Variants in PCBP3 observed in about 807,000 individuals in gnomAD.
The protein encoded by PCBP3 is poly(rC)-binding protein 3.
In PCBP3, 25 loss-of-function variants were observed where a neutral mutation model predicts 52.7. The observed-to-expected ratio is 0.47, with a 90% CI of 0.35 to 0.66. The LOEUF (loss-of-function observed/expected upper bound fraction) is 0.66, where lower values mean the gene tolerates loss of function less well. Ranked by LOEUF, PCBP3 falls within the 30% of genes least tolerant of loss-of-function variation. PCBP3 has a pLI of 0.01. For missense variants in PCBP3, 391 were observed against 490.3 expected (o/e 0.80, Z 1.91); for synonymous variants, 162 against 183.0 (o/e 0.89, Z 0.93).
intron 15 of PCBP3, among the ~76,000 whole-genome samples, chr21:45,933,739 G>A (rs528315704): frequency 6.6e-6 from 1 of 152,164 alleles, no homozygotes; most frequent in African/African-American, 2.4e-5. Context: ...CTCCTGTGCT[G>A]GACGGTCCCA....
intron 15 of PCBP3, among the ~76,000 whole-genome samples, chr21:45,934,328 C>T (rs991680385): frequency 1.3e-5 from 2 of 152,046 alleles, no homozygotes; most frequent in Non-Finnish European, 2.9e-5. Flanking sequence ...ATGCTGAGCA[C>T]GAAGAGCAGA....
chr21:45,905,496 C>T (rs1323649359), intron 9 of PCBP3, among the ~76,000 whole-genome samples: 7 of 152,240 alleles, frequency 4.6e-5, no homozygotes, highest in African/African-American at 7.2e-5. Context: ...GCCAGGTCAG[C>T]GGCAGCACAC....
chr21:45,688,161 C>T (rs1232098363), intron 2 of PCBP3, among the ~76,000 whole-genome samples: 1 of 152,104 alleles, frequency 6.6e-6, no homozygotes, highest in African/African-American at 2.4e-5. Flanking sequence ...CACTCTTTTT[C>T]CTGTACTAAA....
rs374205256 is a variant in PCBP3, at chr21:45,837,582, G to A, written c.-125-12379G>A. Among the ~76,000 whole-genome samples, 9 of 152,230 alleles carry A rather than the reference G, an allele frequency of 5.9e-5. No individual in the cohort carries two copies. Among genetic ancestry groups the A allele is most frequent in the East Asian group, 3.8e-4 (2 of 5,200 alleles). ...TGTCTGCCTCTTGGGGGTAGCGGCT[G>A]TGTGGAATGCCTGCGTTCTGGATTT... On this transcript the variant is annotated intron_variant, in intron 4 of 17. Transcript: ENST00000681687. The surrounding 1 kb of genome is among the most constrained non-coding windows in gnomAD (Gnocchi z 4.1).
chr21:45,914,259 C>G (rs575492306), intron 12 of PCBP3: 1 of 636,110 alleles, frequency 1.6e-6, no homozygotes, highest in African/African-American at 1.9e-5. Context: ...CCTCCCTGAC[C>G]CGGGCAGGAA....
At chr21:45,725,324 A>T (rs2084947928) in intron 2 of PCBP3, among the ~76,000 whole-genome samples, 1 of 152,226 alleles carries the variant, frequency 6.6e-6, no homozygotes, top group African/African-American at 2.4e-5. Context: ...TAATTGAATT[A>T]CAAGTATCCT....
At chr21:45,666,555 C>A (rs1010542574) in intron 1 of PCBP3, among the ~76,000 whole-genome samples, 1 of 152,164 alleles carries the variant, frequency 6.6e-6, no homozygotes, top group African/African-American at 2.4e-5. Context: ...GTGACATATT[C>A]TCTCAGCTTT....
intron 4 of PCBP3, among the ~76,000 whole-genome samples, chr21:45,757,310 G>A (rs2088153855): frequency 6.6e-6 from 1 of 152,106 alleles, no homozygotes; most frequent in Non-Finnish European, 1.5e-5. Flanking sequence ...GTGCTTATTG[G>A]CCATTTGTAT....
rs139537098 is a variant in PCBP3, at chr21:45,774,943, G to A, written c.-126+19491G>A. 4.7e-3 allele frequency among the ~76,000 whole-genome samples: 718 copies of A among 152,264 alleles called. 5 individuals are homozygous for A. Among genetic ancestry groups the A allele is most frequent in the African/African-American group, 0.017 (689 of 41,544 alleles). On this transcript the variant is annotated intron_variant, in intron 4 of 17. Coordinates refer to ENST00000681687, the MANE Select transcript of PCBP3 (RefSeq NM_001384156.1). The stretch of plus-strand genomic sequence containing the variant: ...CATTTTGTTGAGCATTATTGTGTCT[G>A]TGTTCATCAGGGATATTGGCCTGTA...
intron 1 of PCBP3, among the ~76,000 whole-genome samples, chr21:45,658,595 C>G (rs1027030570): frequency 1.1e-4 from 16 of 152,224 alleles, no homozygotes; most frequent in African/African-American, 3.9e-4. Flanking sequence ...TGAGCCGCCA[C>G]ACCCAGCCTT....
intron 4 of PCBP3, among the ~76,000 whole-genome samples, chr21:45,833,837 C>T (rs565294293): frequency 6.6e-6 from 1 of 152,346 alleles, no homozygotes; most frequent in Non-Finnish European, 1.5e-5. Flanking sequence ...GCAGTCCTGC[C>T]TGCCTGGGCA....
intron 1 of PCBP3, among the ~76,000 whole-genome samples, chr21:45,668,078 C>T (rs921967119): frequency 2.0e-5 from 3 of 152,134 alleles, no homozygotes; most frequent in Non-Finnish European, 2.9e-5. Flanking sequence ...CCTTCATTTT[C>T]TGATTGTGCA....
At chr21:45,712,994 G>A (rs971263972) in intron 2 of PCBP3, among the ~76,000 whole-genome samples, 1 of 151,946 alleles carries the variant, frequency 6.6e-6, no homozygotes, top group Non-Finnish European at 1.5e-5. Flanking sequence ...CAAAGTGTTG[G>A]GATTACAGGT....
intron 5 of PCBP3, among the ~76,000 whole-genome samples, chr21:45,881,660 C>T (rs1158443078): frequency 2.0e-5 from 3 of 152,190 alleles, no homozygotes; most frequent in Non-Finnish European, 2.9e-5. Context: ...AGCAGCTCCC[C>T]AGCCTGTTTG....
chr21:45,834,536 G>T (rs1336140005), intron 4 of PCBP3, among the ~76,000 whole-genome samples: 1 of 152,124 alleles, frequency 6.6e-6, no homozygotes, highest in Non-Finnish European at 1.5e-5. Flanking sequence ...AGAGGTCCTC[G>T]TGCTGGCCTC....
chr21:45,898,941 C>G (rs7276712), intron 6 of PCBP3, among the ~76,000 whole-genome samples: 2,228 of 151,304 alleles, frequency 0.015, 69 homozygotes, highest in African/African-American at 0.051. Flanking sequence ...GCCTCCCTCT[C>G]CCTCCACGGG....
At chr21:45,931,060 A>G (rs926767030) in intron 15 of PCBP3, among the ~76,000 whole-genome samples, 1 of 152,210 alleles carries the variant, frequency 6.6e-6, no homozygotes, top group African/African-American at 2.4e-5. Context: ...CACCCCGGCC[A>G]TGGGAGGCGG....
intron 4 of PCBP3, among the ~76,000 whole-genome samples, chr21:45,772,031 G>A (rs528194498): frequency 3.9e-5 from 6 of 152,224 alleles, no homozygotes; most frequent in East Asian, 1.9e-4. Flanking sequence ...TATGGGACAC[G>A]TGAAATTTTG....
intron 9 of PCBP3, among the ~76,000 whole-genome samples, chr21:45,908,326 T>C (rs1009120358): frequency 6.6e-6 from 1 of 152,110 alleles, no homozygotes; most frequent in African/African-American, 2.4e-5. Flanking sequence ...ACCCGACACC[T>C]TGACACACAG....
Sources: allele counts gnomAD v4.1 joint callset (sites outside exome capture counted in the v4.1 genomes callset), GRCh38; gene constraint gnomAD v4.1.1; non-coding constraint Gnocchi (gnomAD v3.1); transcripts MANE v1.5; gene names NCBI Gene and HGNC (gene_info 2026-07-23, HGNC 2026-07-21).